Variants in U2SURP observed in about 807,000 individuals in gnomAD.
The protein encoded by U2SURP is U2 snRNP associated SURP domain containing.
A neutral mutation model predicts 144.9 loss-of-function variants in U2SURP; 9 were observed. That is an observed-to-expected ratio of 0.06 (90% CI 0.04 to 0.11). The LOEUF (loss-of-function observed/expected upper bound fraction) is 0.11, where lower values mean the gene tolerates loss of function less well. U2SURP is among the 10% of genes least tolerant of loss of function. The pLI, the probability that U2SURP is intolerant of heterozygous loss-of-function variation, is 1.00. For synonymous variants in U2SURP, 408 were observed against 396.8 expected (o/e 1.03, Z -0.33); for missense variants, 724 against 1,226.7 (o/e 0.59, Z 6.12).
At chr3:143,019,926 CT>C (rs1292361044) in intron 6 of U2SURP, 42 bp from the exon 7 acceptor site, 2 of 1,162,640 alleles carry the variant, frequency 1.7e-6, no homozygotes, top group Non-Finnish European at 2.4e-6. Context: ...ATTGGTTTTG[CT>C]TATCCTTTTG....
intron 12 of U2SURP, 136 bp downstream of exon 12, chr3:143,023,200 T>G: frequency 1.4e-6 from 1 of 711,322 alleles, no homozygotes; most frequent in East Asian, 2.8e-5. Flanking sequence ...AGTAGATGTG[T>G]TCCCTGCCTT....
At chr3:143,042,026 C>A (rs1289086285) in intron 23 of U2SURP, among the ~76,000 whole-genome samples, 1 of 151,762 alleles carries the variant, frequency 6.6e-6, no homozygotes. Context: ...TTTAAAAAAA[C>A]CATTTGTTCT....
intron 17 of U2SURP, 35 bp from the exon 18 acceptor site, chr3:143,033,236 A>G (rs1435221858): frequency 7.8e-7 from 1 of 1,277,434 alleles, no homozygotes. Context: ...TTAGCCTTAT[A>G]TTAACCTATT....
At position 143,037,105 on chromosome 3, in the gene U2SURP, T is replaced by G. The variant is rs1418342466; in HGVS notation, c.2065-74T>G. ...TCCAGTTATGTTGGCTTGTACTGGA[T>G]TACAAATTAATCTTACAAGCAATGT... On this transcript the variant is annotated intron_variant, in intron 20 of 27. Coordinates refer to ENST00000473835, the MANE Select transcript of U2SURP (RefSeq NM_001080415.2). 4 of 1,452,908 alleles carry G rather than the reference T, an allele frequency of 2.8e-6. No individual in the cohort carries two copies. In the African/African-American group the frequency reaches 5.6e-5, roughly 20 times the overall value. 90.0% of individuals were successfully genotyped at this position (1,452,908 alleles called of 1,614,324 possible). A position where few individuals can be genotyped will look rare whatever the true frequency, so the allele number is the denominator to read the frequency against.
At position 143,001,671 on chromosome 3, in the gene U2SURP, A is replaced by C; in HGVS notation, c.43A>C (p.Lys15Gln). The C allele has an allele frequency of 1.2e-6, 2 of 1,613,956 alleles. No homozygotes were observed. The highest frequency in any genetic ancestry group is 1.7e-6 in the Non-Finnish European group (2 of 1,179,860). The change falls in exon 1 of 28, where the codon AAG becomes CAG. Residue 15 changes from lysine to glutamine, a missense_variant and splice_region_variant. By Grantham distance (53) the Lys-to-Gln change is moderately conservative. Around this residue, in one of 13 missense-constraint regions of U2SURP, gnomAD observed 127 missense variants for 98.2 expected, o/e 1.29. Transcript: ENST00000473835. ...TPGGSQKASS[K>Q]TRSSDVHSSG... ...AGGCGGATCTCAGAAGGCCAGTTCAAAGGTAATTTCTGACAAAATTTCGTA... is the reference window on the plus strand; with the variant it reads ...AGGCGGATCTCAGAAGGCCAGTTCACAGGTAATTTCTGACAAAATTTCGTA...
At chr3:143,003,102 C>T (rs779614578) in intron 1 of U2SURP, among the ~76,000 whole-genome samples, 19 of 152,300 alleles carry the variant, frequency 1.2e-4, no homozygotes, top group Non-Finnish European at 2.4e-4. Flanking sequence ...GTCTTGGATA[C>T]ATTGAAAACA....
In U2SURP at chr3:143,044,351, TG is replaced by T. The variant is rs1359612661; in HGVS notation, c.2544+1076del. On this transcript the variant is annotated intron_variant, in intron 24 of 27. Transcript: ENST00000473835. ...TTGACCAGGCTGGAGTGCAATGGTG[TG>T]ACCATAGCTCACTGCAACATCAAAC... 5.6e-5 allele frequency among the ~76,000 whole-genome samples: 8 copies of T among 141,852 alleles called. No individual in the cohort carries two copies. The East Asian group carries it at 1.0e-3, about 18-fold the overall frequency. 93.1% of individuals were successfully genotyped at this position (141,852 alleles called of 152,430 possible). A position where few individuals can be genotyped will look rare whatever the true frequency, so the allele number is the denominator to read the frequency against.
intron 18 of U2SURP, among the ~76,000 whole-genome samples, chr3:143,034,234 T>A (rs1933679117): frequency 6.6e-6 from 1 of 152,112 alleles, no homozygotes; most frequent in African/African-American, 2.4e-5. Context: ...TGAAACCCCA[T>A]CTCTAGTAAA....
chr3:143,032,601 T>C (rs1402887314), intron 16 of U2SURP, among the ~76,000 whole-genome samples, 183 bp from the exon 17 acceptor site: 1 of 152,118 alleles, frequency 6.6e-6, no homozygotes, highest in Admixed American at 6.5e-5. Flanking sequence ...AGTATTCTTA[T>C]ATAAATTCTT....
Position 143,059,878 on chromosome 3 carries a change from G to A in U2SURP, c.*3428G>A, listed in dbSNP as rs762505646. On this transcript the variant is annotated 3_prime_UTR_variant, in exon 28 of 28. Transcript: ENST00000473835. The stretch of plus-strand genomic sequence containing the variant: ...TGCTTGATCTCTTCATATTTCACAC[G>A]CATGTTTTAGAATAGATTTTAGGGA... 4.6e-5 allele frequency: 7 copies of A among 152,256 alleles called. No homozygotes were observed. The highest frequency in any genetic ancestry group is 9.7e-5 in the African/African-American group (4 of 41,374). 9.4% of individuals were successfully genotyped at this position (152,256 alleles called of 1,614,324 possible). A position where few individuals can be genotyped will look rare whatever the true frequency, so the allele number is the denominator to read the frequency against.
chr3:143,016,515 C>T lies in U2SURP; in HGVS notation c.436+144C>T, dbSNP rs1293972420. ...GAATTTTACATTTTCTATCAGCACCCTCTAGTGGTTATTATTAATTAGCAA... is the reference window on the plus strand; with the variant it reads ...GAATTTTACATTTTCTATCAGCACCTTCTAGTGGTTATTATTAATTAGCAA... On this transcript the variant is annotated intron_variant, in intron 5 of 27. Transcript: ENST00000473835. 5 of 708,844 alleles carry T rather than the reference C, an allele frequency of 7.1e-6. 1 individual carries two copies. In the East Asian group the frequency reaches 1.1e-4, roughly 16 times the overall value. The allele number at this position is 708,844 out of a possible 1,614,324, so 43.9% of individuals were successfully genotyped here.
chr3:143,035,935 C>T (rs1933786961), intron 19 of U2SURP, 47 bp from the exon 20 acceptor site: 5 of 1,532,770 alleles, frequency 3.3e-6, no homozygotes, highest in Non-Finnish European at 4.4e-6. Flanking sequence ...AAATTTGAGA[C>T]ATATAGCCCA....
chr3:143,049,879 G>C (rs1934760406), intron 24 of U2SURP, among the ~76,000 whole-genome samples: 1 of 152,100 alleles, frequency 6.6e-6, no homozygotes, highest in Non-Finnish European at 1.5e-5. Flanking sequence ...GATTTTACTA[G>C]TTTTTTCAGA....
At chr3:143,028,747 T>A in intron 16 of U2SURP, 101 bp downstream of exon 16, 1 of 1,026,894 alleles carries the variant, frequency 9.7e-7, no homozygotes, top group South Asian at 1.8e-5. Flanking sequence ...ATAAATTTTT[T>A]TCACTTGTGA....
intron 14 of U2SURP, 89 bp downstream of exon 14, chr3:143,027,342 T>A: frequency 2.2e-6 from 2 of 926,838 alleles, no homozygotes; most frequent in Non-Finnish European, 1.6e-6. Flanking sequence ...TGTCATTAAG[T>A]ACATTCACAT....
chr3:143,035,210 G>A (rs1257230252), intron 19 of U2SURP, among the ~76,000 whole-genome samples: 1 of 151,892 alleles, frequency 6.6e-6, no homozygotes, highest in Non-Finnish European at 1.5e-5. Flanking sequence ...AATTATAAAT[G>A]TTAGTCTTTT....
intron 20 of U2SURP, among the ~76,000 whole-genome samples, chr3:143,036,364 A>G (rs1022811832): frequency 1.0e-5 from 1 of 97,968 alleles, no homozygotes; most frequent in African/African-American, 3.3e-5. Flanking sequence ...TATATTGTTA[A>G]TAGTAGAAAA....
intron 1 of U2SURP, among the ~76,000 whole-genome samples, chr3:143,004,665 A>T (rs984808770): frequency 2.8e-5 from 4 of 144,130 alleles, no homozygotes; most frequent in African/African-American, 7.7e-5. Context: ...TACTTTATGT[A>T]TGTGTATGTA....
chr3:143,040,353 A>C (rs1442445096), intron 23 of U2SURP, among the ~76,000 whole-genome samples: 1 of 151,860 alleles, frequency 6.6e-6, no homozygotes, highest in Non-Finnish European at 1.5e-5. Flanking sequence ...TAGGAATTTC[A>C]GGTAAATCAT....
Sources: allele counts gnomAD v4.1 joint callset (sites outside exome capture counted in the v4.1 genomes callset), GRCh38; gene constraint gnomAD v4.1.1; regional missense constraint gnomAD v4.1.1; transcripts MANE v1.5; gene names NCBI Gene and HGNC (gene_info 2026-07-23, HGNC 2026-07-21).